NUP214: variants seen among roughly 807,000 people sequenced by gnomAD.
NUP214 encodes nuclear pore complex protein Nup214.
A neutral mutation model predicts 196.2 loss-of-function variants in NUP214; 79 were observed. The ratio of observed to expected loss-of-function variants is 0.40; its 90% CI spans 0.34 to 0.49. The LOEUF (loss-of-function observed/expected upper bound fraction) is 0.49, where lower values mean the gene tolerates loss of function less well. Among genes scored for constraint, NUP214 ranks in the 20% least tolerant of loss-of-function variants. The pLI is 0.58. For missense variants in NUP214, 2,468 were observed against 2,539.0 expected (o/e 0.97, Z 0.60); for synonymous variants, 1,020 against 990.5 (o/e 1.03, Z -0.56).
intron 9 of NUP214, among the ~76,000 whole-genome samples, chr9:131,137,673 C>T (rs1298319374): frequency 6.6e-6 from 1 of 151,836 alleles, no homozygotes; most frequent in African/African-American, 2.4e-5. Flanking sequence ...GCCTCAGCCT[C>T]CTAGTAGCTG....
At chr9:131,135,152 C>G in intron 8 of NUP214, 148 bp downstream of exon 8, 1 of 576,006 alleles carries the variant, frequency 1.7e-6, no homozygotes, top group Non-Finnish European at 3.0e-6. Flanking sequence ...TGCAGTGGCA[C>G]GATTGTAGCT....
intron 29 of NUP214, among the ~76,000 whole-genome samples, chr9:131,200,336 G>C (rs1397140935): frequency 6.6e-6 from 1 of 152,260 alleles, no homozygotes; most frequent in African/African-American, 2.4e-5. Context: ...AGCAATTCGG[G>C]AGGCCGAGGC....
intron 18 of NUP214, 69 bp from the exon 19 acceptor site, chr9:131,162,922 G>GT (rs199853575): frequency 4.7e-6 from 7 of 1,491,212 alleles, no homozygotes; most frequent in East Asian, 4.5e-5. Context: ...AGTCTTGTTT[G>GT]TTTTTTTACT....
chr9:131,223,709 A>ATTTTTATTTATTTATTTATTTT (rs1554742590), intron 32 of NUP214, among the ~76,000 whole-genome samples: 6 of 32,376 alleles, frequency 1.9e-4, no homozygotes, highest in Non-Finnish European at 2.6e-4. Flanking sequence ...CTTTTTTTTT[A>ATTTTTATTTATTTATTTATTTT]TTTTTATTTA....
rs549022867 is a variant in NUP214 at position 131,188,942 on chromosome 9, T to G, written c.3496-111T>G. The G allele has an allele frequency of 4.5e-4, 353 of 780,434 alleles. 1 individual carries two copies. The highest frequency in any genetic ancestry group is 6.7e-4 in the Non-Finnish European group (316 of 470,336). 48.3% of individuals were successfully genotyped at this position (780,434 alleles called of 1,614,324 possible). On this transcript the variant is annotated intron_variant, in intron 25 of 35. Transcript: ENST00000359428. ...TTTTTGGTAATTTATCTAAAAGTAT[T>G]TGTCCTTGCTTATTTTAAATTATAT... is the stretch of plus-strand genomic sequence containing the variant.
chr9:131,137,015 C>T (rs1831750952), intron 9 of NUP214, among the ~76,000 whole-genome samples: 1 of 152,186 alleles, frequency 6.6e-6, no homozygotes, highest in Non-Finnish European at 1.5e-5. Flanking sequence ...TCTGGGTGGC[C>T]AGGTGGCCCA....
intron 5 of NUP214, among the ~76,000 whole-genome samples, chr9:131,131,726 C>T (rs1431407529): frequency 6.6e-6 from 1 of 151,950 alleles, no homozygotes; most frequent in Non-Finnish European, 1.5e-5. Context: ...CTCTGTTGCC[C>T]AGGCTGGGGT....
intron 18 of NUP214, 73 bp from the exon 19 acceptor site, chr9:131,162,918 G>C (rs1211942798): frequency 6.2e-6 from 9 of 1,442,102 alleles, no homozygotes; most frequent in Non-Finnish European, 8.7e-6. Flanking sequence ...TTGTAGTCTT[G>C]TTTGTTTTTT....
chr9:131,197,642 A>C lies in NUP214; in HGVS notation c.4148A>C (p.His1383Pro). 6.2e-7 allele frequency: 1 copy of C among 1,614,134 alleles called. No homozygotes were observed. Among genetic ancestry groups the C allele is most frequent in the Non-Finnish European group, 8.5e-7 (1 of 1,180,010 alleles). Residue 1383 changes from histidine to proline, a missense_variant, in exon 29 of 36, where the codon CAC becomes CCC. By Grantham distance (77) the His-to-Pro change is moderately conservative (BLOSUM62 -2). Coordinates refer to ENST00000359428, the MANE Select transcript of NUP214 (RefSeq NM_005085.4). ...NFTAPPVLGK[H>P]TEPPVTSSAT... ...ACTGCCCCCCCGGTGTTAGGGAAGCACACGGAGCCCCCTGTGACATCCTCT... is the reference window on the plus strand; with the variant it reads ...ACTGCCCCCCCGGTGTTAGGGAAGCCCACGGAGCCCCCTGTGACATCCTCT...
chr9:131,161,644 GA>G (rs1420096526), intron 18 of NUP214, among the ~76,000 whole-genome samples: 2 of 152,106 alleles, frequency 1.3e-5, no homozygotes, highest in Non-Finnish European at 2.9e-5. Flanking sequence ...GAGGTAATGG[GA>G]AAAAGGGAAA....
intron 24 of NUP214, among the ~76,000 whole-genome samples, chr9:131,186,672 A>G (rs1833457564): frequency 6.6e-6 from 1 of 152,250 alleles, no homozygotes; most frequent in African/African-American, 2.4e-5. Context: ...AGTTCCTCAC[A>G]TACAGTATTC....
intron 3 of NUP214, chr9:131,128,799 G>A: frequency 3.4e-6 from 1 of 293,106 alleles, no homozygotes; most frequent in Non-Finnish European, 6.4e-6. Context: ...GTTTAAGAAT[G>A]ATAATAATAG....
At chr9:131,158,673 T>C (rs2133541867) in intron 17 of NUP214, among the ~76,000 whole-genome samples, 1 of 152,272 alleles carries the variant, frequency 6.6e-6, no homozygotes, top group South Asian at 2.1e-4. Flanking sequence ...GAGAGCAAAA[T>C]CTAAATGGAT....
At chr9:131,161,259 CTTT>C (rs34588166) in intron 18 of NUP214, among the ~76,000 whole-genome samples, 6 of 136,160 alleles carry the variant, frequency 4.4e-5, no homozygotes, top group Admixed American at 7.3e-5. Flanking sequence ...ATTGAAATGC[CTTT>C]TTTTTTTTTT....
intron 33 of NUP214, 125 bp from the exon 34 acceptor site, chr9:131,230,505 C>A: frequency 8.5e-7 from 1 of 1,177,558 alleles, no homozygotes; most frequent in Non-Finnish European, 1.2e-6. Flanking sequence ...CTAGTTAGGC[C>A]CAGCCTGTCA....
Position 131,146,345 on chromosome 9 carries a change from T to C in NUP214, c.1945+41T>C, listed in dbSNP as rs774395544. On this transcript the variant is annotated intron_variant, in intron 13 of 35. Transcript: ENST00000359428. The surrounding 1 kb of genome is among the most constrained non-coding windows in gnomAD (Gnocchi z 4.6). Reference sequence around the variant, plus strand: ...GACAACTTTAGACCTCAGCCCTGCCTTCTCAGATTAACGGTTTTAAGTGTT... The same window carrying C: ...GACAACTTTAGACCTCAGCCCTGCCCTCTCAGATTAACGGTTTTAAGTGTT... 1.8e-5 allele frequency: 28 copies of C among 1,588,228 alleles called. No homozygotes were observed. The African/African-American group carries it at 3.2e-4, about 18-fold the overall frequency.
chr9:131,164,389 T>G lies in NUP214; in HGVS notation c.2893+245T>G. ...GAAGCAGCAAAGTAGTCGTTTTGGCTTTTACACTGTTTTCTGCAGTCCTCA... is the reference window on the plus strand; with the variant it reads ...GAAGCAGCAAAGTAGTCGTTTTGGCGTTTACACTGTTTTCTGCAGTCCTCA... On this transcript the variant is annotated intron_variant, in intron 21 of 35. Coordinates refer to ENST00000359428, the MANE Select transcript of NUP214 (RefSeq NM_005085.4). 6 of 496,438 alleles carry G rather than the reference T, an allele frequency of 1.2e-5. No individual in the cohort carries two copies. The South Asian group carries it at 1.5e-4, about 12-fold the overall frequency. 30.8% of individuals were successfully genotyped at this position (496,438 alleles called of 1,614,324 possible).
Position 131,147,379 on chromosome 9 carries a change from G to T in NUP214, c.1946-111G>T, listed in dbSNP as rs1832115259. The T allele has an allele frequency of 5.2e-6, 4 of 765,454 alleles. No homozygotes were observed. In the Admixed American group the frequency reaches 9.3e-5, roughly 18 times the overall value. 47.4% of individuals were successfully genotyped at this position (765,454 alleles called of 1,614,324 possible). A position where few individuals can be genotyped will look rare whatever the true frequency, so the allele number is the denominator to read the frequency against. Reference sequence around the variant, plus strand: ...TCTTTAAAATAAATCATGAAAGTGGGCCAGGGGCAATGTGTAACTTAATTT... The same window carrying T: ...TCTTTAAAATAAATCATGAAAGTGGTCCAGGGGCAATGTGTAACTTAATTT... On this transcript the variant is annotated intron_variant, in intron 13 of 35. Coordinates refer to ENST00000359428, the MANE Select transcript of NUP214 (RefSeq NM_005085.4).
chr9:131,198,707 G>T lies in NUP214; in HGVS notation c.5213G>T (p.Ser1738Ile), dbSNP rs1306712482. ...TCAGTCTTTGGGCAGTCGGCGAGCAGTGCTGCAAGTGTCTTTTCCTTCAGT... is the reference window on the plus strand; with the variant it reads ...TCAGTCTTTGGGCAGTCGGCGAGCATTGCTGCAAGTGTCTTTTCCTTCAGT... Reference protein sequence around the residue: ...QASVFGQSASSAASVFSFSQP... With the variant: ...QASVFGQSASIAASVFSFSQP... Residue 1738 changes from serine (S) to isoleucine (I), a missense_variant, in exon 29 of 36, where the codon AGT becomes ATT. Ser to Ile is a moderately radical substitution (Grantham distance 142). Coordinates refer to ENST00000359428, the MANE Select transcript of NUP214 (RefSeq NM_005085.4). 9.3e-6 allele frequency: 15 copies of T among 1,614,110 alleles called. No individual in the cohort carries two copies. Among genetic ancestry groups the T allele is most frequent in the Non-Finnish European group, 1.1e-5 (13 of 1,180,038 alleles).
Sources: gnomAD v4.1 joint callset for allele counts (sites outside exome capture counted in the v4.1 genomes callset) on GRCh38, gnomAD v4.1.1 for gene constraint, Gnocchi (gnomAD v3.1) non-coding constraint, MANE v1.5 for transcripts, NCBI Gene and HGNC (gene_info 2026-07-23, HGNC 2026-07-21) for gene names.